The following TMC1 variants were observed in gnomAD, a reference collection of about 807,000 sequenced individuals.
TMC1 encodes transmembrane channel-like protein 1.
In TMC1, 84 loss-of-function variants were observed where a neutral mutation model predicts 105.8. The ratio of observed to expected loss-of-function variants is 0.79; its 90% CI spans 0.67 to 0.95. TMC1 has a LOEUF of 0.95. Among genes scored for constraint, TMC1 ranks in the 40% least tolerant of loss-of-function variants. TMC1 has a pLI of 0.00. For missense variants in TMC1, 817 were observed against 914.1 expected (o/e 0.89, Z 1.37); for synonymous variants, 315 against 311.5 (o/e 1.01, Z -0.12).
At chr9:72,733,869 G>A (rs772236453) in intron 8 of TMC1, among the ~76,000 whole-genome samples, 4 of 151,976 alleles carry the variant, frequency 2.6e-5, no homozygotes, top group Non-Finnish European at 4.4e-5. Flanking sequence ...CCCTCATTAG[G>A]TTGAGAACTT....
intron 12 of TMC1, among the ~76,000 whole-genome samples, chr9:72,766,121 GTA>G (rs1201445294): frequency 6.6e-6 from 1 of 152,100 alleles, no homozygotes; most frequent in Non-Finnish European, 1.5e-5. Context: ...TGTGTGTAAA[GTA>G]TTAGCACATC....
rs1395775742 is a variant in TMC1, at chr9:72,571,440, C to T, written c.-427-6462C>T. ...CTGAAGCTGGTGTGAATCAACCTCA[C>T]GCTTTTTTTTTTTTTCTTTTTTTTT... On this transcript the variant is annotated intron_variant, in intron 1 of 23. Coordinates refer to ENST00000297784, the MANE Select transcript of TMC1 (RefSeq NM_138691.3). 3.7e-5 allele frequency among the ~76,000 whole-genome samples: 5 copies of T among 134,318 alleles called. No individual in the cohort carries two copies. The East Asian group carries it at 6.4e-4, about 17-fold the overall frequency. 88.1% of individuals were successfully genotyped at this position (134,318 alleles called of 152,430 possible).
chr9:72,627,176 C>T (rs1373105476), intron 3 of TMC1, among the ~76,000 whole-genome samples: 2 of 152,046 alleles, frequency 1.3e-5, no homozygotes, highest in Non-Finnish European at 2.9e-5. Context: ...TTCAGAAAAA[C>T]AGTCTCAGTT....
chr9:72,616,048 T>C (rs1056708293), intron 2 of TMC1, among the ~76,000 whole-genome samples: 1 of 152,142 alleles, frequency 6.6e-6, no homozygotes, highest in Non-Finnish European at 1.5e-5. Context: ...GTGCCCGCTA[T>C]TGACCCCATT....
At chr9:72,667,458 T>C (rs969635532) in intron 5 of TMC1, among the ~76,000 whole-genome samples, 1 of 152,248 alleles carries the variant, frequency 6.6e-6, no homozygotes, top group African/African-American at 2.4e-5. Flanking sequence ...TGTAGAAATC[T>C]CTCACCTGCT....
chr9:72,701,371 G>T (rs1252143126), intron 8 of TMC1, among the ~76,000 whole-genome samples: 1 of 152,118 alleles, frequency 6.6e-6, no homozygotes, highest in Admixed American at 6.5e-5. Context: ...TCCTATTCTG[G>T]GGGATGGGAA....
At chr9:72,658,539 C>T (rs1180827825) in intron 5 of TMC1, among the ~76,000 whole-genome samples, 1 of 152,156 alleles carries the variant, frequency 6.6e-6, no homozygotes, top group Non-Finnish European at 1.5e-5. Context: ...TTTTAACTCT[C>T]TATCCTAGAC....
At chr9:72,724,356 T>A (rs1279932685) in intron 8 of TMC1, among the ~76,000 whole-genome samples, 2 of 152,208 alleles carry the variant, frequency 1.3e-5, no homozygotes, top group African/African-American at 4.8e-5. Flanking sequence ...TTTATCTTTT[T>A]ATCAGGAGCC....
intron 13 of TMC1, among the ~76,000 whole-genome samples, chr9:72,772,920 G>C (rs562428614): frequency 6.6e-6 from 1 of 152,232 alleles, no homozygotes; most frequent in South Asian, 2.1e-4. Flanking sequence ...TTTGTAACTT[G>C]CAGAATCAGC....
At chr9:72,533,056 G>C (rs748848305) in intron 1 of TMC1, among the ~76,000 whole-genome samples, 13 of 152,210 alleles carry the variant, frequency 8.5e-5, no homozygotes, top group Non-Finnish European at 1.3e-4. Flanking sequence ...GGGAGAAGGA[G>C]GTGCTGTGTT....
chr9:72,576,888 CA>C (rs1323113826), intron 1 of TMC1, among the ~76,000 whole-genome samples: 1 of 152,080 alleles, frequency 6.6e-6, no homozygotes, highest in Non-Finnish European at 1.5e-5. Flanking sequence ...CTTGGCTTCC[CA>C]AAGTGCTGGG....
chr9:72,739,003 T>G (rs1256881884), intron 8 of TMC1, among the ~76,000 whole-genome samples: 2 of 151,998 alleles, frequency 1.3e-5, no homozygotes, highest in Admixed American at 1.3e-4. Context: ...TGGTAAATTG[T>G]TTTTCAAACA....
In TMC1 at chr9:72,627,046, T is replaced by TG. The variant is rs140273783; in HGVS notation, c.-195-872dup. Among the ~76,000 whole-genome samples, 271 of 149,338 alleles carry TG rather than the reference T, an allele frequency of 1.8e-3. 2 individuals are homozygous for TG. The highest frequency in any genetic ancestry group is 0.013 in the Admixed American group (194 of 15,024). ...ATGTTGTTGGTTTTTTTTTTTTTTT[T>TG]GGGTCTGTCATTATAGTAATAACTT... On this transcript the variant is annotated intron_variant, in intron 3 of 23. Transcript: ENST00000297784.
intron 8 of TMC1, 89 bp downstream of exon 8, chr9:72,700,732 A>G (rs1467840014): frequency 5.8e-6 from 1 of 173,072 alleles, no homozygotes; most frequent in African/African-American, 5.9e-5. Flanking sequence ...ATATATATAT[A>G]TATATATATA....
At position 72,737,739 on chromosome 9, in the gene TMC1, A is replaced by G. The variant is rs139618645; in HGVS notation, c.363-2380A>G. On this transcript the variant is annotated intron_variant, in intron 8 of 23. Coordinates refer to ENST00000297784, the MANE Select transcript of TMC1 (RefSeq NM_138691.3). The stretch of plus-strand genomic sequence containing the variant: ...CCTCTAAAAGACATTGTTAATGCTT[A>G]GACAGGATGTGTTTTCTTCATTGCA... Among the ~76,000 whole-genome samples, 159 of 152,358 alleles carry G rather than the reference A, an allele frequency of 1.0e-3. 3 individuals are homozygous for G. In the East Asian group the frequency reaches 0.026, roughly 25 times the overall value.
At chr9:72,743,373 A>T (rs1228484870) in intron 10 of TMC1, among the ~76,000 whole-genome samples, 4 of 149,792 alleles carry the variant, frequency 2.7e-5, no homozygotes, top group African/African-American at 9.8e-5. Flanking sequence ...TCTCACAAAA[A>T]AAAAAAAATA....
chr9:72,728,270 A>T (rs1247486173), intron 8 of TMC1, among the ~76,000 whole-genome samples: 4 of 152,194 alleles, frequency 2.6e-5, no homozygotes, highest in African/African-American at 9.6e-5. Flanking sequence ...AAATGATGGG[A>T]AAGCAAATAT....
At chr9:72,550,063 A>C (rs1263182934) in intron 1 of TMC1, among the ~76,000 whole-genome samples, 1 of 152,066 alleles carries the variant, frequency 6.6e-6, no homozygotes, top group Non-Finnish European at 1.5e-5. Context: ...TACATTTTAA[A>C]TGGAGGTAGA....
chr9:72,793,812 A>G (rs1278704565), intron 17 of TMC1, among the ~76,000 whole-genome samples: 2 of 152,134 alleles, frequency 1.3e-5, no homozygotes, highest in South Asian at 2.1e-4. Flanking sequence ...CCATCCCCAT[A>G]TCGGCTCACC....
Sources: gnomAD v4.1 joint callset for allele counts (sites outside exome capture counted in the v4.1 genomes callset) on GRCh38, gnomAD v4.1.1 for gene constraint, MANE v1.5 for transcripts, NCBI Gene and HGNC (gene_info 2026-07-23, HGNC 2026-07-21) for gene names.